POU6F2: variants seen among roughly 807,000 people sequenced by gnomAD.
POU6F2 encodes POU domain, class 6, transcription factor 2.
In POU6F2, 31 loss-of-function variants were observed where a neutral mutation model predicts 71.3. The observed-to-expected ratio is 0.43, with a 90% confidence interval of 0.33 to 0.59. The LOEUF (loss-of-function observed/expected upper bound fraction) is 0.59, where lower values mean the gene tolerates loss of function less well. Among genes scored for constraint, POU6F2 ranks in the 20% least tolerant of loss-of-function variants. The pLI is 0.04. For missense variants in POU6F2, 783 were observed against 856.8 expected (o/e 0.91, Z 1.07); for synonymous variants, 347 against 355.7 (o/e 0.98, Z 0.27).
intron 1 of POU6F2, among the ~76,000 whole-genome samples, chr7:39,067,585 A>T (rs1292084941): frequency 6.6e-6 from 1 of 152,120 alleles, no homozygotes; most frequent in Non-Finnish European, 1.5e-5. Context: ...CATCATCAAT[A>T]AAATGGGGAA....
chr7:39,198,454 A>G (rs981352360), intron 2 of POU6F2, among the ~76,000 whole-genome samples: 1 of 152,210 alleles, frequency 6.6e-6, no homozygotes, highest in Non-Finnish European at 1.5e-5. Flanking sequence ...CCCCTCACCC[A>G]AAGAAAGCTG....
chr7:39,080,800 C>G (rs568480145), intron 1 of POU6F2, among the ~76,000 whole-genome samples: 1 of 152,192 alleles, frequency 6.6e-6, no homozygotes, highest in Non-Finnish European at 1.5e-5. Flanking sequence ...CCACTGGACA[C>G]GGATGCTTTG....
rs1255632591 is a variant in POU6F2, at chr7:39,061,147, C to T, written c.106-24713C>T. ...TTTCCAAATAAAATAATTTAGAAGA[C>T]TGGTATTATTTTACATTTGACATGT... is the stretch of plus-strand genomic sequence containing the variant. On this transcript the variant is annotated intron_variant, in intron 1 of 9. Coordinates refer to ENST00000518318, the MANE Select transcript of POU6F2 (RefSeq NM_001370959.1). Among the ~76,000 whole-genome samples, 3 of 147,322 alleles carry T rather than the reference C, an allele frequency of 2.0e-5. No homozygotes were observed. In the East Asian group the frequency reaches 5.8e-4, roughly 29 times the overall value.
chr7:39,229,554 G>A (rs921398927), intron 4 of POU6F2, among the ~76,000 whole-genome samples: 1 of 152,120 alleles, frequency 6.6e-6, no homozygotes, highest in Non-Finnish European at 1.5e-5. Context: ...ACTGGATTTG[G>A]GAATTATTTA....
intron 1 of POU6F2, among the ~76,000 whole-genome samples, chr7:39,036,921 T>C (rs1239051446): frequency 6.6e-6 from 1 of 151,676 alleles, no homozygotes; most frequent in African/African-American, 2.4e-5. Context: ...TATTTTAGGT[T>C]CAAGGGTACA....
chr7:38,982,107 TC>T (rs2116590297), intron 1 of POU6F2, among the ~76,000 whole-genome samples: 1 of 152,284 alleles, frequency 6.6e-6, no homozygotes, highest in Non-Finnish European at 1.5e-5. Flanking sequence ...TTGCCCTCTG[TC>T]AATTTAGACT....
rs542452423 is a variant in POU6F2, at chr7:39,045,755, C to G, written c.106-40105C>G. 2.8e-4 allele frequency among the ~76,000 whole-genome samples: 42 copies of G among 152,054 alleles called. 1 individual carries two copies. The highest frequency in any genetic ancestry group is 9.1e-4 in the African/African-American group (38 of 41,532). On this transcript the variant is annotated intron_variant, in intron 1 of 9. Coordinates refer to ENST00000518318, the MANE Select transcript of POU6F2 (RefSeq NM_001370959.1). The stretch of plus-strand genomic sequence containing the variant: ...ACCCCTACCCCAGGCAACCAAAGGT[C>G]TGCTTTCTGTCACTACAAATTGGCC...
At chr7:39,047,670 T>C (rs1341628657) in intron 1 of POU6F2, among the ~76,000 whole-genome samples, 1 of 151,964 alleles carries the variant, frequency 6.6e-6, no homozygotes, top group African/African-American at 2.4e-5. Context: ...TGACCATTCT[T>C]CTTTTCCAGT....
intron 2 of POU6F2, among the ~76,000 whole-genome samples, chr7:39,186,241 G>A (rs547120899): frequency 1.3e-5 from 2 of 152,148 alleles, no homozygotes; most frequent in South Asian, 4.1e-4. Flanking sequence ...TCTTAGAACT[G>A]GGAATCCCCA....
intron 4 of POU6F2, among the ~76,000 whole-genome samples, chr7:39,329,796 A>G (rs1004321324): frequency 2.0e-5 from 3 of 151,902 alleles, no homozygotes; most frequent in African/African-American, 7.3e-5. Flanking sequence ...AATCATTTGC[A>G]CTCAAATCCT....
At chr7:39,444,794 G>A (rs569833727) in intron 7 of POU6F2, among the ~76,000 whole-genome samples, 21 of 152,180 alleles carry the variant, frequency 1.4e-4, no homozygotes, top group South Asian at 6.2e-4. Flanking sequence ...TAATTGCCCC[G>A]TGCCTATGAA....
chr7:39,453,862 C>T (rs1211476413), intron 8 of POU6F2, among the ~76,000 whole-genome samples: 1 of 152,096 alleles, frequency 6.6e-6, no homozygotes, highest in Non-Finnish European at 1.5e-5. Flanking sequence ...AACTTCAAAC[C>T]CATATGCAGA....
intron 2 of POU6F2, among the ~76,000 whole-genome samples, chr7:39,202,156 T>C (rs1266523971): frequency 2.6e-5 from 4 of 152,094 alleles, no homozygotes; most frequent in Admixed American, 6.6e-5. Flanking sequence ...TGTAAGCAAA[T>C]GTAATCTGTG....
chr7:39,006,776 G>T (rs1789084285), intron 1 of POU6F2: 1 of 1,439,002 alleles, frequency 6.9e-7, no homozygotes, highest in Admixed American at 1.7e-5. Context: ...CTCTTGGGTT[G>T]TGTTACCCTG....
intron 1 of POU6F2, among the ~76,000 whole-genome samples, chr7:39,000,714 T>C (rs1219566304): frequency 6.6e-6 from 1 of 152,226 alleles, no homozygotes; most frequent in Non-Finnish European, 1.5e-5. Flanking sequence ...ATTTTGTTTA[T>C]AGAGTATCTA....
intron 6 of POU6F2, among the ~76,000 whole-genome samples, chr7:39,417,742 A>G (rs551035088): frequency 2.0e-5 from 3 of 152,330 alleles, no homozygotes; most frequent in African/African-American, 7.2e-5. Flanking sequence ...ATGTCCATGT[A>G]CTCACATGAA....
chr7:39,023,269 GC>G (rs1299395101), intron 1 of POU6F2, among the ~76,000 whole-genome samples: 1 of 151,844 alleles, frequency 6.6e-6, no homozygotes, highest in African/African-American at 2.4e-5. Context: ...GATATTGTTT[GC>G]CAGTCTTTAG....
At chr7:39,313,539 A>C (rs1205392707) in intron 4 of POU6F2, among the ~76,000 whole-genome samples, 1 of 152,130 alleles carries the variant, frequency 6.6e-6, no homozygotes, top group Non-Finnish European at 1.5e-5. Flanking sequence ...TGCCTGGAAC[A>C]CAGTAGCCAT....
chr7:39,057,514 A>T (rs972531077), intron 1 of POU6F2, among the ~76,000 whole-genome samples: 1 of 151,970 alleles, frequency 6.6e-6, no homozygotes, highest in African/African-American at 2.4e-5. Flanking sequence ...AGTTTGTTGC[A>T]GTTATTAGTG....
Sources: gnomAD v4.1 joint callset for allele counts (sites outside exome capture counted in the v4.1 genomes callset) on GRCh38, gnomAD v4.1.1 for gene constraint, MANE v1.5 for transcripts, NCBI Gene and HGNC (gene_info 2026-07-23, HGNC 2026-07-21) for gene names.